Variants in USP54 observed in about 807,000 individuals in gnomAD.
USP54 encodes the protein ubiquitin carboxyl-terminal hydrolase 54.
Under a neutral mutation model 170.5 loss-of-function variants are expected in USP54, and 87 were observed. That is an observed-to-expected ratio of 0.51 (90% CI 0.43 to 0.61). The LOEUF (loss-of-function observed/expected upper bound fraction) is 0.61. Ranked by LOEUF, USP54 falls within the 20% of genes least tolerant of loss-of-function variation. The probability of loss-of-function intolerance (pLI) is 0.00; values close to 1 mark genes in which losing one functional copy is unlikely to be tolerated. For missense variants in USP54, 1,786 were observed against 2,047.8 expected (o/e 0.87, Z 2.47); for synonymous variants, 655 against 742.8 (o/e 0.88, Z 1.92).
chr10:73,547,751 A>G (rs2068193742), intron 4 of USP54, among the ~76,000 whole-genome samples: 1 of 152,362 alleles, frequency 6.6e-6, no homozygotes, highest in Admixed American at 6.5e-5. Flanking sequence ...TTAAAGACTT[A>G]AATATCAGAC....
intron 4 of USP54, chr10:73,546,728 T>C (rs936609095): frequency 6.6e-6 from 1 of 152,330 alleles, no homozygotes; most frequent in East Asian, 1.9e-4. Context: ...CTATCCATGA[T>C]GATATAGATA....
At chr10:73,589,291 T>C (rs778346242) in intron 1 of USP54, among the ~76,000 whole-genome samples, 9 of 152,214 alleles carry the variant, frequency 5.9e-5, no homozygotes, top group East Asian at 1.9e-4. Flanking sequence ...ATCTAAATCA[T>C]ACCTTGCGCT....
intron 1 of USP54, among the ~76,000 whole-genome samples, chr10:73,623,828 T>C (rs1476423034): frequency 6.6e-6 from 1 of 152,186 alleles, no homozygotes; most frequent in Non-Finnish European, 1.5e-5. Context: ...GATCGAGTTC[T>C]ACCTGTATTT....
intron 1 of USP54, among the ~76,000 whole-genome samples, chr10:73,587,547 T>C (rs1205464554): frequency 6.6e-6 from 1 of 152,108 alleles, no homozygotes; most frequent in East Asian, 1.9e-4. Context: ...ATGCTTTTAG[T>C]GGAGATCCAA....
intron 1 of USP54, among the ~76,000 whole-genome samples, chr10:73,577,861 C>T (rs540327903): frequency 6.6e-6 from 1 of 152,220 alleles, no homozygotes; most frequent in Admixed American, 6.5e-5. Flanking sequence ...AGACCCTCAC[C>T]TTTCTACACA....
At chr10:73,576,921 T>C (rs897904358) in intron 1 of USP54, among the ~76,000 whole-genome samples, 8 of 152,190 alleles carry the variant, frequency 5.3e-5, no homozygotes, top group Non-Finnish European at 1.2e-4. Context: ...TCTCCTGCCC[T>C]GTTTGTTTGT....
intron 20 of USP54, among the ~76,000 whole-genome samples, chr10:73,512,797 T>A (rs1220114024): frequency 1.3e-5 from 2 of 152,254 alleles, no homozygotes; most frequent in African/African-American, 2.4e-5. Context: ...TCTTTCATAC[T>A]GTTTTCAGAA....
intron 19 of USP54, 83 bp downstream of exon 19, chr10:73,519,714 G>C (rs2061613693): frequency 6.3e-7 from 1 of 1,583,732 alleles, no homozygotes. Flanking sequence ...CAGTCGCCAA[G>C]ACAATGAGAG....
intron 3 of USP54, among the ~76,000 whole-genome samples, chr10:73,573,043 G>A (rs1321539446): frequency 6.6e-6 from 1 of 152,074 alleles, no homozygotes; most frequent in African/African-American, 2.4e-5. Flanking sequence ...CAGCACTTTG[G>A]GAGGACAACG....
rs181571748 is a variant in USP54, at chr10:73,569,614, G to A, written c.240+1807C>T. Among the ~76,000 whole-genome samples the A allele has an allele frequency of 2.4e-3, 360 of 151,942 alleles. 1 individual carries two copies. The highest frequency in any genetic ancestry group is 6.2e-3 in the South Asian group (30 of 4,818). On this transcript the variant is annotated intron_variant, in intron 4 of 23. Coordinates refer to ENST00000687698, the MANE Select transcript of USP54 (RefSeq NM_001391956.1). ...TAAAAATACAAAAATTAGCTAGGGC[G>A]TGGTGGCAGGTGCCTGTAATCCCAG...
At chr10:73,528,577 T>C (rs1317186273) in intron 15 of USP54, among the ~76,000 whole-genome samples, 1 of 151,686 alleles carries the variant, frequency 6.6e-6, no homozygotes, top group Non-Finnish European at 1.5e-5. Flanking sequence ...TGTTTCTTTT[T>C]TTTTTTTTTG....
chr10:73,529,566 A>C, intron 15 of USP54, 114 bp downstream of exon 15: 11 of 1,161,688 alleles, frequency 9.5e-6, no homozygotes, highest in Non-Finnish European at 1.4e-5. Flanking sequence ...AAGAGCACAT[A>C]GAGATAATAG....
intron 4 of USP54, among the ~76,000 whole-genome samples, chr10:73,561,076 GC>G (rs1339394003): frequency 3.0e-5 from 4 of 133,328 alleles, no homozygotes; most frequent in Non-Finnish European, 4.6e-5. Flanking sequence ...TTGCACTCCA[GC>G]CTGGGCGACA....
At chr10:73,504,635 G>A in intron 22 of USP54, 1 of 631,958 alleles carries the variant, frequency 1.6e-6, no homozygotes, top group Non-Finnish European at 2.7e-6. Context: ...AACACGCACG[G>A]CCTTTCAGAA....
intron 16 of USP54, among the ~76,000 whole-genome samples, chr10:73,525,733 A>AT (rs1447272708): frequency 6.6e-6 from 1 of 152,248 alleles, no homozygotes; most frequent in Non-Finnish European, 1.5e-5. Flanking sequence ...GATTCCAGAG[A>AT]TATCTGCCTC....
chr10:73,559,062 CG>C (rs1281265030), intron 4 of USP54, among the ~76,000 whole-genome samples: 1 of 151,964 alleles, frequency 6.6e-6, no homozygotes, highest in Non-Finnish European at 1.5e-5. Flanking sequence ...TGTTGTTCAA[CG>C]GTTAACTGTA....
At position 73,534,751 on chromosome 10, in the gene USP54, T is replaced by C. The variant is rs1315892515; in HGVS notation, c.1164A>G (p.Ser388=). Residue 388 remains serine (S), a synonymous_variant, in exon 12 of 24, where the codon TCA becomes TCG. Coordinates refer to ENST00000687698, the MANE Select transcript of USP54 (RefSeq NM_001391956.1). ...TTGAGGAATCTGTTCGAGTGTCACT[T>C]GAGATGGAGGGCTCCCTCCCTGAGA... ...SEDSGREPSI[S]SDTRTDSSTE... 1 of 1,613,888 alleles carries C rather than the reference T, an allele frequency of 6.2e-7. No homozygotes were observed. The highest frequency in any genetic ancestry group is 1.1e-5 in the South Asian group (1 of 91,064).
chr10:73,575,023 G>A (rs11000715), intron 3 of USP54, among the ~76,000 whole-genome samples: 2,279 of 152,008 alleles, frequency 0.015, 64 homozygotes, highest in African/African-American at 0.052. Context: ...TCAGGAGTTC[G>A]AGACCAGCCT....
chr10:73,579,156 G>T (rs2076536351), intron 1 of USP54, among the ~76,000 whole-genome samples: 1 of 150,164 alleles, frequency 6.7e-6, no homozygotes, highest in Admixed American at 6.7e-5. Flanking sequence ...TCACCATGTT[G>T]GCCAGGCTGG....
Sources: allele counts gnomAD v4.1 joint callset (sites outside exome capture counted in the v4.1 genomes callset), GRCh38; gene constraint gnomAD v4.1.1; transcripts MANE v1.5; gene names NCBI Gene and HGNC (gene_info 2026-07-23, HGNC 2026-07-21).